The following TEKT3 variants were observed in gnomAD, a reference collection of about 807,000 sequenced individuals.
TEKT3 encodes tektin 3, also known as tektin-3.
In TEKT3, 49 loss-of-function variants were observed where a neutral mutation model predicts 49.8. That is an observed-to-expected ratio of 0.98 (90% CI 0.78 to 1.25). The LOEUF is 1.25. Ranked by LOEUF, TEKT3 falls within the 50% of genes most tolerant of loss-of-function variation. The pLI, the probability that TEKT3 is intolerant of heterozygous loss-of-function variation, is 0.00. For missense variants in TEKT3, 595 were observed against 629.5 expected (o/e 0.95, Z 0.59); for synonymous variants, 225 against 237.2 (o/e 0.95, Z 0.47).
In TEKT3 at chr17:15,330,982, A is replaced by G. The variant is rs746987896; in HGVS notation, c.579+25T>C. ...CAGTGGGTTATAATCATAAAAATTC[A>G]GTGTGTTCTATCATAAGGTCTTACC... On this transcript the variant is annotated intron_variant, in intron 3 of 8. Transcript: ENST00000395930. The G allele has an allele frequency of 3.2e-6, 5 of 1,549,488 alleles. 1 individual carries two copies. The South Asian group carries it at 6.3e-5, about 19-fold the overall frequency.
intron 1 of TEKT3, among the ~76,000 whole-genome samples, chr17:15,341,099 C>T (rs1482420319): frequency 6.6e-6 from 1 of 152,196 alleles, no homozygotes; most frequent in Non-Finnish European, 1.5e-5. Flanking sequence ...GAACTCTCCT[C>T]CCCGTGGCTG....
At chr17:15,319,041 T>C (rs1567577414) in intron 5 of TEKT3, 36 bp downstream of exon 5, 16 of 1,526,940 alleles carry the variant, frequency 1.0e-5, no homozygotes, top group Non-Finnish European at 1.1e-5. Flanking sequence ...AGTTCAATGA[T>C]AGATTTTGAA....
At position 15,304,091 on chromosome 17, in the gene TEKT3, CCCTCAGGCGCTG is replaced by C; in HGVS notation, c.1306_1317del (p.Gln436_Arg439del). 1 of 1,614,168 alleles carries C rather than the reference CCCTCAGGCGCTG, an allele frequency of 6.2e-7. No individual in the cohort carries two copies. The highest frequency in any genetic ancestry group is 8.5e-7 in the Non-Finnish European group (1 of 1,180,034). On this transcript the variant is annotated inframe_deletion, in exon 9 of 9. Transcript: ENST00000395930. This position sits in a 1 kb window ranked among gnomAD's most constrained non-coding sequence, Gnocchi z 4.7. ...AGCGACTGCAGGGTGTCCTCTGCAT[CCCTCAGGCGCTG>C]CTGCAGGGTCTGGATGGTGTCGTCA...
In TEKT3 at chr17:15,331,881, A is replaced by T. The variant is rs376471122; in HGVS notation, c.-29-267T>A. Reference sequence around the variant, plus strand: ...TTTTTGTGAAAATTATGAGAGTAATATTGTCTTGTTGTAACAAATTCAAAT... The same window carrying T: ...TTTTTGTGAAAATTATGAGAGTAATTTTGTCTTGTTGTAACAAATTCAAAT... On this transcript the variant is annotated intron_variant, in intron 2 of 8. Transcript: ENST00000395930. Among the ~76,000 whole-genome samples, 10 of 152,276 alleles carry T rather than the reference A, an allele frequency of 6.6e-5. No individual in the cohort carries two copies. In the South Asian group the frequency reaches 2.1e-3, roughly 32 times the overall value.
At chr17:15,338,279 AAAG>A (rs1912070449) in intron 2 of TEKT3, among the ~76,000 whole-genome samples, 3 of 152,204 alleles carry the variant, frequency 2.0e-5, no homozygotes, top group African/African-American at 7.2e-5. Flanking sequence ...AAAACTGATT[AAAG>A]AAGAGTTAGA....
chr17:15,318,114 C>T (rs746731928), intron 5 of TEKT3, among the ~76,000 whole-genome samples: 8 of 151,698 alleles, frequency 5.3e-5, no homozygotes, highest in African/African-American at 1.5e-4. Flanking sequence ...CTCAACCTCC[C>T]GAGTAGCTGG....
chr17:15,339,288 G>A (rs1447192104), intron 2 of TEKT3, among the ~76,000 whole-genome samples: 1 of 152,140 alleles, frequency 6.6e-6, no homozygotes, highest in African/African-American at 2.4e-5. Flanking sequence ...CCAGAACTGT[G>A]AGCCCAATAA....
chr17:15,306,724 C>T (rs913314584), intron 8 of TEKT3: 4 of 151,972 alleles, frequency 2.6e-5, no homozygotes, highest in Non-Finnish European at 5.9e-5. Flanking sequence ...GTTCCCATCT[C>T]CACTTTTGAT....
At chr17:15,315,160 C>A (rs1597661475) in intron 5 of TEKT3, among the ~76,000 whole-genome samples, 2 of 152,126 alleles carry the variant, frequency 1.3e-5, no homozygotes, top group East Asian at 3.8e-4. Context: ...TTCAATGAAT[C>A]GGCAATTTGT....
At chr17:15,336,524 T>G (rs1178627539) in intron 2 of TEKT3, among the ~76,000 whole-genome samples, 1 of 149,534 alleles carries the variant, frequency 6.7e-6, no homozygotes, top group African/African-American at 2.5e-5. Context: ...CACAAAGAAA[T>G]AAAAATGTCA....
chr17:15,321,163 CCAT>C (rs1156447846), intron 4 of TEKT3, among the ~76,000 whole-genome samples: 2 of 151,380 alleles, frequency 1.3e-5, no homozygotes, highest in East Asian at 3.9e-4. Context: ...GCGCCCACCA[CCAT>C]GCCTGGCTAA....
intron 3 of TEKT3, among the ~76,000 whole-genome samples, chr17:15,330,424 G>A (rs933394879): frequency 3.9e-5 from 6 of 152,086 alleles, no homozygotes; most frequent in African/African-American, 7.2e-5. Context: ...GTTTAGCACC[G>A]TCCCTTCGGC....
chr17:15,304,715 A>C lies in TEKT3; in HGVS notation c.1257-563T>G, dbSNP rs747039064. 5.9e-5 allele frequency among the ~76,000 whole-genome samples: 9 copies of C among 152,140 alleles called. No individual in the cohort carries two copies. The highest frequency in any genetic ancestry group is 1.0e-4 in the Non-Finnish European group (7 of 68,012). On this transcript the variant is annotated intron_variant, in intron 8 of 8. Transcript: ENST00000395930. This position sits in a 1 kb window ranked among gnomAD's most constrained non-coding sequence, Gnocchi z 4.7. ...AGAGTAGAAGCAGAGACCCAGGAAG[A>C]CCTATCTCATCATCTGCAGACACAT... is the stretch of plus-strand genomic sequence containing the variant.
At chr17:15,319,232 G>A in intron 4 of TEKT3, 85 bp from the exon 5 acceptor site, 19 of 1,179,248 alleles carry the variant, frequency 1.6e-5, no homozygotes, top group Middle Eastern at 2.9e-4. Flanking sequence ...CATCAATGAA[G>A]GAAAATTTTG....
At chr17:15,323,426 CA>C (rs1169193124) in intron 4 of TEKT3, among the ~76,000 whole-genome samples, 9 of 151,728 alleles carry the variant, frequency 5.9e-5, no homozygotes, top group African/African-American at 2.2e-4. Context: ...TTTGCAGGTT[CA>C]TTTGGCTCCA....
intron 4 of TEKT3, chr17:15,327,788 T>C: frequency 2.2e-6 from 1 of 450,690 alleles, no homozygotes; most frequent in Non-Finnish European, 4.0e-6. Flanking sequence ...ATTTTCATCT[T>C]TATTTACTCG....
chr17:15,316,087 A>C (rs1026421352), intron 5 of TEKT3, among the ~76,000 whole-genome samples: 2 of 152,210 alleles, frequency 1.3e-5, no homozygotes, highest in African/African-American at 4.8e-5. Flanking sequence ...GACAGTATAC[A>C]TGTGCGAAGG....
chr17:15,327,992 C>A lies in TEKT3; in HGVS notation c.663G>T (p.Thr221=). ...ACTGATGCATTTCCCCCACATTTAC[C>A]GTCAGCAGTTGTGCTTCAACTTCAT... ...VHDEVEAQLL[T]EVDTILCCQE... is the part of the protein sequence containing the mutation. The change falls in exon 4 of 9, where the codon ACG becomes ACT. Residue 221 remains threonine (T), a splice_region_variant and synonymous_variant. Coordinates refer to ENST00000395930, the MANE Select transcript of TEKT3 (RefSeq NM_031898.3). 6.2e-7 allele frequency: 1 copy of A among 1,613,476 alleles called. No individual in the cohort carries two copies. Among genetic ancestry groups the A allele is most frequent in the Admixed American group, 1.7e-5 (1 of 60,006 alleles).
intron 7 of TEKT3, chr17:15,311,477 T>C (rs957837833): frequency 6.6e-6 from 1 of 152,238 alleles, no homozygotes; most frequent in Non-Finnish European, 1.5e-5. Context: ...ATACATTATA[T>C]AGTTTCAACT....
Sources: allele counts gnomAD v4.1 joint callset (sites outside exome capture counted in the v4.1 genomes callset), GRCh38; gene constraint gnomAD v4.1.1; non-coding constraint Gnocchi (gnomAD v3.1); transcripts MANE v1.5; gene names NCBI Gene and HGNC (gene_info 2026-07-23, HGNC 2026-07-21).